The following SPMIP8 variants were observed in gnomAD, a reference collection of about 807,000 sequenced individuals.
The protein encoded by SPMIP8 is sperm microtubule inner protein 8, also known as testicular tissue protein Li 196.
the SPMIP8 span, chr16:57,978,179 T>A: frequency 1.1e-6 from 1 of 891,720 alleles, no homozygotes; most frequent in Non-Finnish European, 1.7e-6. Context: ...TCTGAGCCTC[T>A]GTTTACTGCT....
At chr16:57,978,074 G>T in the SPMIP8 span, 1 of 1,584,238 alleles carries the variant, frequency 6.3e-7, no homozygotes, top group Non-Finnish European at 8.6e-7. Flanking sequence ...CTTTGGGGAA[G>T]GGGCAGATGG....
At chr16:57,977,555 A>ATGTGTGTG in the SPMIP8 span, among the ~76,000 whole-genome samples, 1 of 93,876 alleles carries the variant, frequency 1.1e-5, no homozygotes, top group Non-Finnish European at 2.5e-5. Context: ...CCATGGCACA[A>ATGTGTGTG]TGTGAGTGTG....
At chr16:57,976,752 C>G in the SPMIP8 span, 1 of 1,157,904 alleles carries the variant, frequency 8.6e-7, no homozygotes, top group African/African-American at 1.5e-5. Context: ...CACCATGCCC[C>G]CTCCCTGCTC....
At chr16:57,981,972 A>T in the SPMIP8 span, among the ~76,000 whole-genome samples, 1 of 152,322 alleles carries the variant, frequency 6.6e-6, no homozygotes, top group African/African-American at 2.4e-5. Flanking sequence ...CGCTCAGTCA[A>T]TACATTGCGG....
chr16:57,984,251 T>C, the SPMIP8 span: 2 of 1,595,606 alleles, frequency 1.3e-6, no homozygotes, highest in Non-Finnish European at 1.7e-6. Context: ...TCCTATGACC[T>C]CTGACCACTG....
At chr16:57,987,358 C>T in the SPMIP8 span, 38 of 1,508,520 alleles carry the variant, frequency 2.5e-5, 1 homozygote, top group South Asian at 4.2e-4. Flanking sequence ...CCTAGGACAC[C>T]CTGGAAACCC....
At chr16:57,979,052 C>A in the SPMIP8 span, among the ~76,000 whole-genome samples, 1 of 152,224 alleles carries the variant, frequency 6.6e-6, no homozygotes, top group Admixed American at 6.5e-5. Flanking sequence ...AGCCCCCATG[C>A]AGGAGAGGAA....
chr16:57,987,308 T>C, the SPMIP8 span: 27 of 1,325,252 alleles, frequency 2.0e-5, no homozygotes, highest in Non-Finnish European at 2.6e-5. Context: ...GGCTGGAAGC[T>C]GTGTTTTCAG....
chr16:57,976,612 T>G, the SPMIP8 span: 2 of 1,614,056 alleles, frequency 1.2e-6, no homozygotes, highest in South Asian at 2.2e-5. Flanking sequence ...GCCTGGGCCC[T>G]ACAGATAAGG....
the SPMIP8 span, chr16:57,978,184 A>G: frequency 1.2e-6 from 1 of 852,240 alleles, no homozygotes; most frequent in South Asian, 1.8e-5. Context: ...GCCTCTGTTT[A>G]CTGCTCAGTA....
chr16:57,976,675 C>T, the SPMIP8 span: 1 of 1,605,992 alleles, frequency 6.2e-7, no homozygotes, highest in Non-Finnish European at 8.5e-7. Context: ...TTCCCCATAT[C>T]CGTGATCCCC....
the SPMIP8 span, among the ~76,000 whole-genome samples, chr16:57,977,448 C>T: frequency 7.3e-5 from 10 of 136,722 alleles, no homozygotes; most frequent in African/African-American, 2.1e-4. Context: ...GAAAAAAAAA[C>T]GAATAGACTC....
At chr16:57,984,367 G>T in the SPMIP8 span, 1 of 1,614,198 alleles carries the variant, frequency 6.2e-7, no homozygotes, top group Non-Finnish European at 8.5e-7. Flanking sequence ...AGTGTTTGGT[G>T]AGTGTCCTTT....
chr16:57,985,110 G>A, the SPMIP8 span: 11 of 1,276,724 alleles, frequency 8.6e-6, no homozygotes, highest in East Asian at 1.6e-4. Context: ...GCTGGATTGT[G>A]GGCGGGGCTG....
the SPMIP8 span, chr16:57,985,892 G>C: frequency 6.2e-7 from 1 of 1,609,802 alleles, no homozygotes; most frequent in Non-Finnish European, 8.5e-7. Context: ...GTGCTCACCC[G>C]CCCCGTTCTT....
chr16:57,986,620 G>A, the SPMIP8 span: 1 of 147,734 alleles, frequency 6.8e-6, no homozygotes, highest in African/African-American at 2.5e-5. Flanking sequence ...TTGAGACGGA[G>A]TCTCACTCTG....
At chr16:57,977,421 A>G in the SPMIP8 span, among the ~76,000 whole-genome samples, 3 of 150,872 alleles carry the variant, frequency 2.0e-5, no homozygotes, top group Admixed American at 6.6e-5. Context: ...AAAAAAAAAA[A>G]AAAGAAAAGA....
the SPMIP8 span, among the ~76,000 whole-genome samples, chr16:57,980,466 C>T: frequency 2.2e-4 from 34 of 152,314 alleles, no homozygotes; most frequent in African/African-American, 7.7e-4. Context: ...AGGACCAGTC[C>T]ATGGTTGGTG....
At chr16:57,976,596 A>C in the SPMIP8 span, 1 of 1,614,110 alleles carries the variant, frequency 6.2e-7, no homozygotes, top group African/African-American at 1.3e-5. Context: ...AAGCCTGTGC[A>C]CCTGGGCCTG....
Sources: allele counts gnomAD v4.1 joint callset (sites outside exome capture counted in the v4.1 genomes callset), GRCh38; gene constraint gnomAD v4.1.1; transcripts MANE v1.5; gene names NCBI Gene and HGNC (gene_info 2026-07-23, HGNC 2026-07-21).